Variants in KRTAP5-4 observed in about 807,000 individuals in gnomAD.
KRTAP5-4 encodes keratin-associated protein 5-4.
Under a neutral mutation model 2.6 loss-of-function variants are expected in KRTAP5-4, and 1 was observed. The ratio of observed to expected loss-of-function variants is 0.39; its 90% confidence interval spans 0.14 to 1.85. The LOEUF is 1.85. Ranked by LOEUF, KRTAP5-4 falls within the 40% of genes most tolerant of loss-of-function variation. KRTAP5-4 has a pLI of 0.32. For missense variants in KRTAP5-4, 195 were observed against 276.9 expected (o/e 0.70, Z 2.10); for synonymous variants, 83 against 113.1 (o/e 0.73, Z 1.69).
In KRTAP5-4 at chr11:1,622,056, C is replaced by A; in HGVS notation, c.38G>T (p.Gly13Val). The change falls in exon 1 of 1, where the codon GGC (glycine) becomes GTC (valine). Residue 13 changes from glycine (G) to valine (V), a missense_variant. Coordinates refer to ENST00000399682, the MANE Select transcript of KRTAP5-4 (RefSeq NM_001347674.1). ...ACAGCCGGAGCCACAGCCCCCACAG[C>A]CGGAGCCACAGCCTCCAGAGCAGCC... is the stretch of plus-strand genomic sequence containing the variant. ...CCGCSGGCGSGCGGCGSGCGG... is the reference protein window; with the variant it reads ...CCGCSGGCGSVCGGCGSGCGG... The A allele has an allele frequency of 1.2e-6, 2 of 1,609,624 alleles. No homozygotes were observed. Among genetic ancestry groups the A allele is most frequent in the South Asian group, 2.2e-5 (2 of 90,760 alleles).
rs1383993520 is a variant in KRTAP5-4, at chr11:1,621,448, A to G, written c.646T>C (p.Ser216Pro). The G allele has an allele frequency of 1.2e-6, 2 of 1,613,982 alleles. No homozygotes were observed. Among genetic ancestry groups the G allele is most frequent in the East Asian group, 2.2e-5 (1 of 44,900 alleles). The change falls in exon 1 of 1, where the codon TCT becomes CCT. Residue 216 changes from serine (S) to proline (P), a missense_variant. Coordinates refer to ENST00000399682, the MANE Select transcript of KRTAP5-4 (RefSeq NM_001347674.1). ...CAGCACACAGGGACACAGCAACTAG[A>G]CTGGGAGCAGCAGGGATTGCAGCAA... ...SSCCNPCCSQSSCCVPVCCQC... is the reference protein window; with the variant it reads ...SSCCNPCCSQPSCCVPVCCQC...
chr11:1,621,115 G>C lies in KRTAP5-4; in HGVS notation c.*292C>G, dbSNP rs1470717014. 1 of 501,904 alleles carries C rather than the reference G, an allele frequency of 2.0e-6. No individual in the cohort carries two copies. The highest frequency in any genetic ancestry group is 3.6e-6 in the Non-Finnish European group (1 of 277,748). The allele number at this position is 501,904 out of a possible 1,614,324, so 31.1% of individuals were successfully genotyped here. A position where few individuals can be genotyped will look rare whatever the true frequency, so the allele number is the denominator to read the frequency against. On this transcript the variant is annotated 3_prime_UTR_variant, in exon 1 of 1. Transcript: ENST00000399682. ...CAGCTGCTCCAGCTGGAAAAGACAG[G>C]ACTGCAAGTGGGTTCAGGAGCTCAG...
Position 1,621,714 on chromosome 11 carries a change from G to T in KRTAP5-4, c.380C>A (p.Ser127Tyr), listed in dbSNP as rs886369468. Residue 127 changes from serine (S) to tyrosine (Y), a missense_variant, in exon 1 of 1, where the codon TCC becomes TAC. Coordinates refer to ENST00000399682, the MANE Select transcript of KRTAP5-4 (RefSeq NM_001347674.1). ...SKGGCGSCGG[S>Y]KGGCGSCGCS... ...GCCACAAGAGCCACAGCCTCCTTTG[G>T]AGCCCCCACAGGAGCCACAGCCCCC... 2 of 1,607,712 alleles carry T rather than the reference G, an allele frequency of 1.2e-6. No homozygotes were observed. Among genetic ancestry groups the T allele is most frequent in the Non-Finnish European group, 1.7e-6 (2 of 1,177,134 alleles).
At position 1,621,665 on chromosome 11, in the gene KRTAP5-4, C is replaced by A. The variant is rs1849601525; in HGVS notation, c.429G>T (p.Lys143Asn). ...SCGCSQCSCC[K>N]PCCFSSGCGS... ...CACAGCCTGAAGAGAAGCAGCAGGGCTTACAGCAGCTGCACTGGGAGCAGC... is the reference window on the plus strand; with the variant it reads ...CACAGCCTGAAGAGAAGCAGCAGGGATTACAGCAGCTGCACTGGGAGCAGC... The change falls in exon 1 of 1, where the codon AAG becomes AAT. Residue 143 changes from lysine (K) to asparagine (N), a missense_variant. Coordinates refer to ENST00000399682, the MANE Select transcript of KRTAP5-4 (RefSeq NM_001347674.1). 3.7e-6 allele frequency: 6 copies of A among 1,612,388 alleles called. No homozygotes were observed. The highest frequency in any genetic ancestry group is 5.1e-6 in the Non-Finnish European group (6 of 1,179,010).
Position 1,621,939 on chromosome 11 carries a change from G to A in KRTAP5-4, c.155C>T (p.Pro52Leu), listed in dbSNP as rs769051936. ...GCACACAGGTTTGCAGCAGCAGATG[G>A]GCACACAGCAGCTGGAGCCACAGCC... ...CGGCGSSCCVPICCCKPVCCC... is the reference protein window; with the variant it reads ...CGGCGSSCCVLICCCKPVCCC... Residue 52 changes from proline (P) to leucine (L), a missense_variant, in exon 1 of 1, where the codon CCC becomes CTC. Transcript: ENST00000399682. The A allele has an allele frequency of 5.6e-6, 9 of 1,605,702 alleles. No homozygotes were observed. The highest frequency in any genetic ancestry group is 7.6e-6 in the Non-Finnish European group (9 of 1,178,534).
chr11:1,621,432 G>A lies in KRTAP5-4; in HGVS notation c.662C>T (p.Pro221Leu). 6.2e-7 allele frequency: 1 copy of A among 1,614,184 alleles called. No homozygotes were observed. The highest frequency in any genetic ancestry group is 8.5e-7 in the Non-Finnish European group (1 of 1,180,032). Residue 221 changes from proline (P) to leucine (L), a missense_variant, in exon 1 of 1, where the codon CCT (proline) becomes CTT (leucine). Pro to Leu is a moderately conservative substitution (Grantham distance 98). Coordinates refer to ENST00000399682, the MANE Select transcript of KRTAP5-4 (RefSeq NM_001347674.1). ...PCCSQSSCCV[P>L]VCCQCKI The stretch of plus-strand genomic sequence containing the variant: ...TCAGATCTTACACTGGCAGCACACA[G>A]GGACACAGCAACTAGACTGGGAGCA...
Position 1,621,554 on chromosome 11 carries a change from G to A in KRTAP5-4, c.540C>T (p.Cys180=), listed in dbSNP as rs573476060. The A allele has an allele frequency of 3.7e-6, 6 of 1,612,518 alleles. No homozygotes were observed. The African/African-American group carries it at 4.0e-5, about 11-fold the overall frequency. ...AGCTGGACTGGCAGCAGTAGGGCTT[G>A]CAGCAGCTGGACTGGCAGCAGGATG... ...CGSSCCQSSC[C]KPYCCQSSCC... Residue 180 remains cysteine (C), a synonymous_variant, in exon 1 of 1, where the codon TGC becomes TGT. Coordinates refer to ENST00000399682, the MANE Select transcript of KRTAP5-4 (RefSeq NM_001347674.1).
chr11:1,621,893 G>A lies in KRTAP5-4; in HGVS notation c.201C>T (p.Ser67=). 6.2e-7 allele frequency: 1 copy of A among 1,604,002 alleles called. No homozygotes were observed. The highest frequency in any genetic ancestry group is 8.5e-7 in the Non-Finnish European group (1 of 1,178,480). ...KPVCCCVPAC[S]CSSCGSCGGS... ...CCCCACAGGAGCCACAGCTGGAGCAGGAACAGGCTGGCACACAGCAGCACA... is the reference window on the plus strand; with the variant it reads ...CCCCACAGGAGCCACAGCTGGAGCAAGAACAGGCTGGCACACAGCAGCACA... Residue 67 remains serine, a synonymous_variant, in exon 1 of 1, where the codon TCC becomes TCT. Coordinates refer to ENST00000399682, the MANE Select transcript of KRTAP5-4 (RefSeq NM_001347674.1).
Position 1,621,882 on chromosome 11 carries a change from C to T in KRTAP5-4, c.212G>A (p.Cys71Tyr), listed in dbSNP as rs574344264. 6.3e-7 allele frequency: 1 copy of T among 1,594,138 alleles called. No homozygotes were observed. The highest frequency in any genetic ancestry group is 1.4e-5 in the African/African-American group (1 of 71,944). ...CCCCTTGGAGCCCCCACAGGAGCCA[C>T]AGCTGGAGCAGGAACAGGCTGGCAC... ...CCVPACSCSS[C>Y]GSCGGSKGGY... Residue 71 changes from cysteine (C) to tyrosine (Y), a missense_variant, in exon 1 of 1, where the codon TGT (cysteine) becomes TAT (tyrosine). Transcript: ENST00000399682.
chr11:1,621,921 G>T lies in KRTAP5-4; in HGVS notation c.173C>A (p.Pro58His), dbSNP rs770244038. Residue 58 changes from proline to histidine, a missense_variant, in exon 1 of 1, where the codon CCT becomes CAT. By Grantham distance (77) the Pro-to-His change is moderately conservative. Coordinates refer to ENST00000399682, the MANE Select transcript of KRTAP5-4 (RefSeq NM_001347674.1). ...SCCVPICCCKPVCCCVPACSC... is the reference protein window; with the variant it reads ...SCCVPICCCKHVCCCVPACSC... ...ACAGGCTGGCACACAGCAGCACACAGGTTTGCAGCAGCAGATGGGCACACA... is the reference window on the plus strand; with the variant it reads ...ACAGGCTGGCACACAGCAGCACACATGTTTGCAGCAGCAGATGGGCACACA... The T allele has an allele frequency of 1.2e-6, 2 of 1,606,326 alleles. No individual in the cohort carries two copies. The highest frequency in any genetic ancestry group is 2.2e-5 in the South Asian group (2 of 90,662).
In KRTAP5-4 at chr11:1,621,703, A is replaced by G; in HGVS notation, c.391T>C (p.Cys131Arg). Reference sequence around the variant, plus strand: ...CACTGGGAGCAGCCACAAGAGCCACAGCCTCCTTTGGAGCCCCCACAGGAG... The same window carrying G: ...CACTGGGAGCAGCCACAAGAGCCACGGCCTCCTTTGGAGCCCCCACAGGAG... ...CGSCGGSKGGCGSCGCSQCSC... is the reference protein window; with the variant it reads ...CGSCGGSKGGRGSCGCSQCSC... The change falls in exon 1 of 1, where the codon TGT becomes CGT. Residue 131 changes from cysteine (C) to arginine (R), a missense_variant. Cys to Arg is a radical substitution (Grantham distance 180). Coordinates refer to ENST00000399682, the MANE Select transcript of KRTAP5-4 (RefSeq NM_001347674.1). 6.2e-7 allele frequency: 1 copy of G among 1,613,310 alleles called. No individual in the cohort carries two copies. Among genetic ancestry groups the G allele is most frequent in the Non-Finnish European group, 8.5e-7 (1 of 1,179,754 alleles).
rs745951366 is a variant in KRTAP5-4 at position 1,621,360 on chromosome 11, T to C, written c.*47A>G. ...AACAATGAAGGACAGGTCACAGCTT[T>C]GGAAGACAGGATTAGCAGGACTCAC... is the stretch of plus-strand genomic sequence containing the variant. On this transcript the variant is annotated 3_prime_UTR_variant, in exon 1 of 1. Coordinates refer to ENST00000399682, the MANE Select transcript of KRTAP5-4 (RefSeq NM_001347674.1). 6.2e-7 allele frequency: 1 copy of C among 1,608,746 alleles called. No homozygotes were observed. Among genetic ancestry groups the C allele is most frequent in the South Asian group, 1.1e-5 (1 of 90,522 alleles).
rs1344860895 is a variant in KRTAP5-4 at position 1,621,365 on chromosome 11, G to C, written c.*42C>G. The C allele has an allele frequency of 1.9e-6, 3 of 1,609,554 alleles. No individual in the cohort carries two copies. The African/African-American group carries it at 4.0e-5, about 21-fold the overall frequency. On this transcript the variant is annotated 3_prime_UTR_variant, in exon 1 of 1. Coordinates refer to ENST00000399682, the MANE Select transcript of KRTAP5-4 (RefSeq NM_001347674.1). ...TGAAGGACAGGTCACAGCTTTGGAA[G>C]ACAGGATTAGCAGGACTCACATGAG...
Position 1,621,289 on chromosome 11 carries a change from A to G in KRTAP5-4, c.*118T>C, listed in dbSNP as rs1849593568. On this transcript the variant is annotated 3_prime_UTR_variant, in exon 1 of 1. Coordinates refer to ENST00000399682, the MANE Select transcript of KRTAP5-4 (RefSeq NM_001347674.1). ...TTAGGAAAAGGCAGCCAGATATGGC[A>G]TCGTTCTACAGCAGGGAATGGACCC... The G allele has an allele frequency of 1.3e-6, 2 of 1,542,122 alleles. No individual in the cohort carries two copies. Among genetic ancestry groups the G allele is most frequent in the East Asian group, 2.3e-5 (1 of 44,238 alleles).
chr11:1,621,178 G>A lies in KRTAP5-4; in HGVS notation c.*229C>T. 4.7e-6 allele frequency: 4 copies of A among 850,676 alleles called. No homozygotes were observed. Among genetic ancestry groups the A allele is most frequent in the East Asian group, 2.8e-5 (1 of 35,106 alleles). 52.7% of individuals were successfully genotyped at this position (850,676 alleles called of 1,614,324 possible). Reference sequence around the variant, plus strand: ...ATGAGCAAAGGCGAGGCTAGTGGGTGAGGGGTGATTCAGCTGCAATTGCAG... The same window carrying A: ...ATGAGCAAAGGCGAGGCTAGTGGGTAAGGGGTGATTCAGCTGCAATTGCAG... On this transcript the variant is annotated 3_prime_UTR_variant, in exon 1 of 1. Transcript: ENST00000399682.
chr11:1,621,057 C>T lies in KRTAP5-4; in HGVS notation c.*350G>A, dbSNP rs184523840. On this transcript the variant is annotated 3_prime_UTR_variant, in exon 1 of 1. Transcript: ENST00000399682. Reference sequence around the variant, plus strand: ...AGCCACTCCAAGGAAGCCTCTTAAACGCCCACCTTGTTGCAGGTGGGACGC... The same window carrying T: ...AGCCACTCCAAGGAAGCCTCTTAAATGCCCACCTTGTTGCAGGTGGGACGC... 1.9e-4 allele frequency: 57 copies of T among 305,048 alleles called. 1 individual carries two copies. The highest frequency in any genetic ancestry group is 1.8e-3 in the Admixed American group (39 of 21,604). 18.9% of individuals were successfully genotyped at this position (305,048 alleles called of 1,614,324 possible).
chr11:1,621,822 C>G lies in KRTAP5-4; in HGVS notation c.272G>C (p.Cys91Ser), dbSNP rs1463586225. 7.2e-6 allele frequency: 11 copies of G among 1,538,000 alleles called. No individual in the cohort carries two copies. The highest frequency in any genetic ancestry group is 2.6e-5 in the East Asian group (1 of 37,962). The change falls in exon 1 of 1, where the codon TGT becomes TCT. Residue 91 changes from cysteine to serine, a missense_variant. Coordinates refer to ENST00000399682, the MANE Select transcript of KRTAP5-4 (RefSeq NM_001347674.1). ...YGSCGGSKGG[C>S]VSCGGSKGGC... ...CCCCTTGGAACCCCCACAGGAGACA[C>G]AGCCCCCCTTGGAACCCCCACAAGA... is the stretch of plus-strand genomic sequence containing the variant.
Position 1,621,621 on chromosome 11 carries a change from G to T in KRTAP5-4, c.473C>A (p.Ser158Tyr). 6.2e-7 allele frequency: 1 copy of T among 1,606,010 alleles called. No individual in the cohort carries two copies. Among genetic ancestry groups the T allele is most frequent in the South Asian group, 1.1e-5 (1 of 89,932 alleles). The stretch of plus-strand genomic sequence containing the variant: ...GGAGCAGCAGGGCTTACAGCAGCTG[G>T]ACTGGCAGCAGGATGACCCACAGCC... ...SSGCGSSCCQ[S>Y]SCCKPCCSSS... The change falls in exon 1 of 1, where the codon TCC becomes TAC. Residue 158 changes from serine to tyrosine, a missense_variant. Transcript: ENST00000399682.
rs750942921 is a variant in KRTAP5-4, at chr11:1,621,577, A to G, written c.517T>C (p.Ser173Pro). The G allele has an allele frequency of 1.2e-6, 2 of 1,613,278 alleles. No individual in the cohort carries two copies. The highest frequency in any genetic ancestry group is 1.7e-6 in the Non-Finnish European group (2 of 1,179,794). Reference protein sequence around the residue: ...PCCSSSGCGSSCCQSSCCKPY... With the variant: ...PCCSSSGCGSPCCQSSCCKPY... Reference sequence around the variant, plus strand: ...TTGCAGCAGCTGGACTGGCAGCAGGATGACCCACAACCTGAGGAGGAGCAG... The same window carrying G: ...TTGCAGCAGCTGGACTGGCAGCAGGGTGACCCACAACCTGAGGAGGAGCAG... Residue 173 changes from serine (S) to proline (P), a missense_variant, in exon 1 of 1, where the codon TCC becomes CCC. Coordinates refer to ENST00000399682, the MANE Select transcript of KRTAP5-4 (RefSeq NM_001347674.1).
Sources: allele counts gnomAD v4.1 joint callset, GRCh38; gene constraint gnomAD v4.1.1; transcripts MANE v1.5; gene names NCBI Gene and HGNC (gene_info 2026-07-23, HGNC 2026-07-21).